ACSM5: variants seen among roughly 807,000 people sequenced by gnomAD.
ACSM5 encodes acyl-coenzyme A synthetase ACSM5, mitochondrial.
In ACSM5, 56 loss-of-function variants were observed where a neutral mutation model predicts 71.6. The observed-to-expected ratio is 0.78, with a 90% CI of 0.63 to 0.98. The LOEUF (loss-of-function observed/expected upper bound fraction) is 0.98. Among genes scored for constraint, ACSM5 ranks in the 50% least tolerant of loss-of-function variants. The pLI is 0.00. For synonymous variants in ACSM5, 285 were observed against 281.5 expected (o/e 1.01, Z -0.12); for missense variants, 723 against 726.0 (o/e 1.00, Z 0.05).
intron 2 of ACSM5, among the ~76,000 whole-genome samples, chr16:20,416,523 A>G (rs1399639230): frequency 1.3e-5 from 2 of 152,196 alleles, no homozygotes; most frequent in Non-Finnish European, 2.9e-5. Flanking sequence ...CTGTGTGTTC[A>G]CATGCAAAAG....
intron 4 of ACSM5, among the ~76,000 whole-genome samples, chr16:20,420,843 G>A (rs1307960038): frequency 6.6e-6 from 1 of 152,186 alleles, no homozygotes; most frequent in Non-Finnish European, 1.5e-5. Flanking sequence ...CCAGATCACA[G>A]AACTTTGGGA....
At chr16:20,436,999 G>T in intron 10 of ACSM5, 53 bp from the exon 11 acceptor site, 1 of 1,588,810 alleles carries the variant, frequency 6.3e-7, no homozygotes, top group South Asian at 1.1e-5. Flanking sequence ...GGCAGTAACT[G>T]GCCTTAGCAG....
chr16:20,431,288 C>A lies in ACSM5; in HGVS notation c.1275C>A (p.Pro425=), dbSNP rs1330971716. 6.2e-7 allele frequency: 1 copy of A among 1,614,162 alleles called. No individual in the cohort carries two copies. The highest frequency in any genetic ancestry group is 1.1e-5 in the South Asian group (1 of 91,080). The change falls in exon 10 of 14, where the codon CCC becomes CCA. Residue 425 remains proline, a synonymous_variant. Transcript: ENST00000331849. ...GGAATGTTGCCGTCCGTATCAGACC[C>A]ACTCGGCCCTTCTGTTTCTTCAATT... ...EEGNVAVRIR[P]TRPFCFFNCY... is the part of the protein sequence containing the mutation.
intron 2 of ACSM5, among the ~76,000 whole-genome samples, chr16:20,413,509 C>A (rs963625608): frequency 1.2e-4 from 19 of 152,200 alleles, no homozygotes; most frequent in African/African-American, 4.6e-4. Flanking sequence ...TTGTCCAAAA[C>A]AATCACAGAC....
At chr16:20,415,159 G>A (rs1333799946) in intron 2 of ACSM5, among the ~76,000 whole-genome samples, 1 of 152,192 alleles carries the variant, frequency 6.6e-6, no homozygotes. Flanking sequence ...GAAATAGACA[G>A]AGGAAAGAAT....
In ACSM5 at chr16:20,423,919, G is replaced by T; in HGVS notation, c.771G>T (p.Arg257=). ...YGLGFVASGR[R]WVALTESDIF... is the part of the protein sequence containing the mutation. ...GACGTTCTCTAATTTTTGGCAGACGGTGGGTGGCCTTGACCGAATCTGACA... is the reference window on the plus strand; with the variant it reads ...GACGTTCTCTAATTTTTGGCAGACGTTGGGTGGCCTTGACCGAATCTGACA... The change falls in exon 6 of 14, where the codon CGG becomes CGT. Residue 257 remains arginine (R), a synonymous_variant. Transcript: ENST00000331849. 2.5e-6 allele frequency: 4 copies of T among 1,613,720 alleles called. No individual in the cohort carries two copies. The highest frequency in any genetic ancestry group is 2.5e-6 in the Non-Finnish European group (3 of 1,179,888).
chr16:20,429,172 A>G (rs1452044568), intron 7 of ACSM5, among the ~76,000 whole-genome samples: 1 of 151,958 alleles, frequency 6.6e-6, no homozygotes, highest in Non-Finnish European at 1.5e-5. Context: ...CACCATACCC[A>G]GCTAATTTTT....
At position 20,421,656 on chromosome 16, in the gene ACSM5, T is replaced by TACAC. The variant is rs60844372; in HGVS notation, c.767+263_767+266dup. Among the ~76,000 whole-genome samples, 126 of 106,042 alleles carry TACAC rather than the reference T, an allele frequency of 1.2e-3. 1 individual carries two copies. The highest frequency in any genetic ancestry group is 4.8e-3 in the African/African-American group (124 of 26,046). The allele number at this position is 106,042 out of a possible 152,430, so 69.6% of individuals were successfully genotyped here. A position where few individuals can be genotyped will look rare whatever the true frequency, so the allele number is the denominator to read the frequency against. ...ATATATATATATATATATATATATA[T>TACAC]ACACACACACATATATATACATACA... On this transcript the variant is annotated intron_variant, in intron 5 of 13. Coordinates refer to ENST00000331849, the MANE Select transcript of ACSM5 (RefSeq NM_017888.3).
At chr16:20,425,129 C>A (rs1254228958) in intron 6 of ACSM5, among the ~76,000 whole-genome samples, 1 of 152,192 alleles carries the variant, frequency 6.6e-6, no homozygotes, top group Non-Finnish European at 1.5e-5. Flanking sequence ...CCATCCCCAC[C>A]TTTCTCCCAG....
intron 5 of ACSM5, among the ~76,000 whole-genome samples, chr16:20,422,793 T>C (rs1966904149): frequency 6.6e-6 from 1 of 152,090 alleles, no homozygotes; most frequent in African/African-American, 2.4e-5. Context: ...AGATTCTGAA[T>C]GTATTTTCAA....
chr16:20,437,224 G>A (rs1476386606), intron 11 of ACSM5, 44 bp from the exon 12 acceptor site: 2 of 1,614,124 alleles, frequency 1.2e-6, no homozygotes, highest in East Asian at 2.2e-5. Flanking sequence ...ATTTCATGGG[G>A]GTTGAGGGAA....
Position 20,413,208 on chromosome 16 carries a change from C to T in ACSM5, c.204+1520C>T, listed in dbSNP as rs1966850757. ...CAATACTAGGGGTATCCTTAGAAGA[C>T]TTCTCCTAATGATAAAAACAAGCAA... On this transcript the variant is annotated intron_variant, in intron 2 of 13. Transcript: ENST00000331849. 1.3e-5 allele frequency among the ~76,000 whole-genome samples: 2 copies of T among 152,106 alleles called. 1 individual carries two copies. Among genetic ancestry groups the T allele is most frequent in the Admixed American group, 1.3e-4 (2 of 15,278 alleles).
chr16:20,422,375 G>T (rs777778839), intron 5 of ACSM5, among the ~76,000 whole-genome samples: 3 of 152,118 alleles, frequency 2.0e-5, no homozygotes, highest in Non-Finnish European at 4.4e-5. Flanking sequence ...CTCTCAAAGT[G>T]CTGGGATTAC....
intron 13 of ACSM5, 83 bp from the exon 14 acceptor site, chr16:20,440,261 G>A: frequency 2.1e-6 from 2 of 962,502 alleles, no homozygotes. Context: ...AGGACAGGCA[G>A]ACAGTATTGT....
intron 10 of ACSM5, among the ~76,000 whole-genome samples, chr16:20,433,720 G>A (rs548742561): frequency 7.9e-5 from 12 of 152,208 alleles, no homozygotes; most frequent in African/African-American, 2.9e-4. Context: ...TGCCACCAAG[G>A]CTGGAGTGCA....
chr16:20,417,998 C>A (rs1302992539), intron 2 of ACSM5, 61 bp from the exon 3 acceptor site: 2 of 1,512,380 alleles, frequency 1.3e-6, no homozygotes, highest in South Asian at 1.2e-5. Context: ...TAAACAGCAA[C>A]AAGCAAACAA....
At position 20,429,740 on chromosome 16, in the gene ACSM5, G is replaced by A. The variant is rs1216768276; in HGVS notation, c.1064G>A (p.Arg355Lys). The part of the protein sequence containing the change: ...TGGEALNPDV[R>K]EKWKHQTGVE... ...GGAGAGGCCCTCAACCCTGACGTGA[G>A]GGAGAAGTGGAAACACCAGACTGGT... The change falls in exon 8 of 14, where the codon AGG (arginine) becomes AAG (lysine). Residue 355 changes from arginine to lysine, a missense_variant. Arg to Lys is a conservative substitution (Grantham distance 26). Coordinates refer to ENST00000331849, the MANE Select transcript of ACSM5 (RefSeq NM_017888.3). 2 of 1,612,660 alleles carry A rather than the reference G, an allele frequency of 1.2e-6. No homozygotes were observed. Among genetic ancestry groups the A allele is most frequent in the Admixed American group, 3.3e-5 (2 of 59,840 alleles).
intron 10 of ACSM5, among the ~76,000 whole-genome samples, chr16:20,432,774 G>T (rs1053186550): frequency 1.1e-4 from 16 of 146,562 alleles, no homozygotes; most frequent in African/African-American, 4.1e-4. Flanking sequence ...TTATTTGCTA[G>T]ACAACAATCT....
intron 5 of ACSM5, among the ~76,000 whole-genome samples, chr16:20,423,629 T>C (rs931956059): frequency 6.6e-5 from 10 of 152,266 alleles, no homozygotes; most frequent in Non-Finnish European, 1.3e-4. Context: ...CTAAATAAAG[T>C]GACCTTAGCA....
Sources: gnomAD v4.1 joint callset for allele counts (sites outside exome capture counted in the v4.1 genomes callset) on GRCh38, gnomAD v4.1.1 for gene constraint, MANE v1.5 for transcripts, NCBI Gene and HGNC (gene_info 2026-07-23, HGNC 2026-07-21) for gene names.